Variants in RANBP2 observed in about 807,000 individuals in gnomAD.
RANBP2 encodes the protein E3 SUMO-protein ligase RanBP2.
A neutral mutation model predicts 303.6 loss-of-function variants in RANBP2; 57 were observed. The ratio of observed to expected loss-of-function variants is 0.19; its 90% CI spans 0.15 to 0.23. The LOEUF (loss-of-function observed/expected upper bound fraction) is 0.23, where lower values mean the gene tolerates loss of function less well. RANBP2 is among the 10% of genes least tolerant of loss of function. The pLI, the probability that RANBP2 is intolerant of heterozygous loss-of-function variation, is 1.00. For missense variants in RANBP2, 3,138 were observed against 3,780.8 expected, an observed-to-expected ratio of 0.83 and a Z score of 4.46; for synonymous variants, 1,167 against 1,301.5, an observed-to-expected ratio of 0.90 and a Z score of 2.23.
the RANBP2 span, among the ~76,000 whole-genome samples, chr2:108,987,601 T>G: frequency 2.0e-4 from 30 of 152,206 alleles, no homozygotes; most frequent in Non-Finnish European, 4.1e-4. Context: ...TATTTACTTT[T>G]TCCTCCCAAA....
the RANBP2 span, among the ~76,000 whole-genome samples, chr2:109,199,838 G>A: frequency 1.7e-5 from 1 of 57,684 alleles, no homozygotes; most frequent in Non-Finnish European, 4.1e-5. Flanking sequence ...GGAATGGAAT[G>A]GAATGGAATG....
chr2:109,531,743 A>G, the RANBP2 span, among the ~76,000 whole-genome samples: 15 of 152,340 alleles, frequency 9.8e-5, no homozygotes, highest in Non-Finnish European at 2.2e-4. Context: ...TACTTCTAGA[A>G]TTTAGATAAA....
downstream of RANBP2, among the ~76,000 whole-genome samples, chr2:108,787,707 G>C (rs1033406496): frequency 4.6e-5 from 7 of 151,978 alleles, no homozygotes; most frequent in African/African-American, 1.7e-4. Flanking sequence ...TTTTCTGTAA[G>C]GTTGTTTTTT....
chr2:109,590,424 C>CCT, the RANBP2 span, among the ~76,000 whole-genome samples: 1 of 146,670 alleles, frequency 6.8e-6, no homozygotes, highest in East Asian at 2.0e-4. Flanking sequence ...GAGGTAAATC[C>CCT]TTTTTTTTTT....
chr2:108,794,233 G>T, the RANBP2 span, among the ~76,000 whole-genome samples: 2 of 152,106 alleles, frequency 1.3e-5, no homozygotes, highest in East Asian at 3.9e-4. Context: ...CATGATTAGG[G>T]GCTTTTAAGG....
chr2:109,062,077 G>A, the RANBP2 span, among the ~76,000 whole-genome samples: 13 of 152,182 alleles, frequency 8.5e-5, no homozygotes, highest in Non-Finnish European at 1.9e-4. Flanking sequence ...GCTGGGCAGG[G>A]CCAGGCAGGC....
the RANBP2 span, chr2:108,906,488 A>G: frequency 9.9e-7 from 1 of 1,014,080 alleles, no homozygotes. Context: ...CGCTGCACAC[A>G]GCCCCCGTGT....
chr2:108,846,943 T>G, the RANBP2 span: 1 of 1,413,986 alleles, frequency 7.1e-7, no homozygotes, highest in Non-Finnish European at 9.9e-7. Flanking sequence ...AAGCTTTCAA[T>G]TGTACTTATG....
chr2:109,103,854 C>T, the RANBP2 span, among the ~76,000 whole-genome samples: 2 of 150,724 alleles, frequency 1.3e-5, no homozygotes, highest in African/African-American at 4.9e-5. Flanking sequence ...AGTGCAGTGG[C>T]GCAATCTCAG....
chr2:109,706,728 G>A, the RANBP2 span, among the ~76,000 whole-genome samples: 1 of 152,222 alleles, frequency 6.6e-6, no homozygotes, highest in Non-Finnish European at 1.5e-5. Context: ...CACTCAATAA[G>A]TATTTGTCTG....
the RANBP2 span, among the ~76,000 whole-genome samples, chr2:109,147,690 T>G: frequency 6.6e-6 from 1 of 152,230 alleles, no homozygotes; most frequent in Admixed American, 6.5e-5. Flanking sequence ...TTGTATAGTT[T>G]CCGGCTTCTG....
At chr2:109,402,060 C>G in the RANBP2 span, among the ~76,000 whole-genome samples, 1 of 152,216 alleles carries the variant, frequency 6.6e-6, no homozygotes, top group Non-Finnish European at 1.5e-5. Flanking sequence ...TTTAATCGAG[C>G]TGCCGGGAGA....
the RANBP2 span, among the ~76,000 whole-genome samples, chr2:109,347,412 TTGTC>T: frequency 6.6e-6 from 1 of 151,954 alleles, no homozygotes; most frequent in Non-Finnish European, 1.5e-5. Context: ...CAGAATGAGG[TTGTC>T]TGTGTGGAAG....
At chr2:109,473,921 C>T in the RANBP2 span, among the ~76,000 whole-genome samples, 1 of 152,168 alleles carries the variant, frequency 6.6e-6, no homozygotes, top group Non-Finnish European at 1.5e-5. Flanking sequence ...TGTCATTACC[C>T]CTAGGGTAAT....
the RANBP2 span, among the ~76,000 whole-genome samples, chr2:109,370,695 T>C: frequency 2.6e-5 from 4 of 152,286 alleles, no homozygotes; most frequent in African/African-American, 9.6e-5. Flanking sequence ...CCTGTGACAG[T>C]GTCCTATTTC....
the RANBP2 span, among the ~76,000 whole-genome samples, chr2:109,426,188 C>G: frequency 3.3e-5 from 5 of 152,346 alleles, no homozygotes; most frequent in African/African-American, 1.2e-4. Context: ...GGATTACAAT[C>G]GTGAGCCACT....
the RANBP2 span, among the ~76,000 whole-genome samples, chr2:109,095,520 T>C: frequency 1.3e-5 from 2 of 152,172 alleles, no homozygotes; most frequent in Admixed American, 1.3e-4. Flanking sequence ...AAGGGGTTTG[T>C]GAAGGGTTGG....
the RANBP2 span, among the ~76,000 whole-genome samples, chr2:109,316,798 T>C: frequency 0.59 from 89,796 of 152,018 alleles, 27,904 homozygotes; most frequent in East Asian, 0.91. Context: ...ATGTGCTCTA[T>C]CTGGTTATCC....
At chr2:109,114,388 C>A in the RANBP2 span, among the ~76,000 whole-genome samples, 1 of 152,194 alleles carries the variant, frequency 6.6e-6, no homozygotes, top group Non-Finnish European at 1.5e-5. Flanking sequence ...GGAATTTACC[C>A]ATTTCTTCTA....
Sources: allele counts gnomAD v4.1 joint callset (sites outside exome capture counted in the v4.1 genomes callset), GRCh38; gene constraint gnomAD v4.1.1; transcripts MANE v1.5; gene names NCBI Gene and HGNC (gene_info 2026-07-23, HGNC 2026-07-21).